Variants in SSH1 observed in about 807,000 individuals in gnomAD.
SSH1 encodes slingshot protein phosphatase 1.
SSH1 carries 43 observed loss-of-function variants against 79.7 expected under a neutral mutation model. The ratio of observed to expected loss-of-function variants is 0.54; its 90% CI spans 0.42 to 0.70. The LOEUF (loss-of-function observed/expected upper bound fraction) is 0.70, where lower values mean the gene tolerates loss of function less well. SSH1 is among the 30% of genes least tolerant of loss of function. SSH1 has a pLI of 0.00. For synonymous variants in SSH1, 599 were observed against 538.3 expected (o/e 1.11, Z -1.56); for missense variants, 1,206 against 1,358.8 (o/e 0.89, Z 1.77).
Position 108,857,105 on chromosome 12 carries a change from C to A in SSH1, c.69+323G>T, listed in dbSNP as rs1566024961. On this transcript the variant is annotated intron_variant, in intron 1 of 14. Transcript: ENST00000326495. The surrounding 1 kb of genome is among the most constrained non-coding windows in gnomAD (Gnocchi z 4.7). ...AGGGGTCACCCCAAGATGGGGGTAACCCCCTGATGTGGGTCACAGCGCACA... is the reference window on the plus strand; with the variant it reads ...AGGGGTCACCCCAAGATGGGGGTAAACCCCTGATGTGGGTCACAGCGCACA... 6.6e-6 allele frequency among the ~76,000 whole-genome samples: 1 copy of A among 152,238 alleles called. No individual in the cohort carries two copies. Among genetic ancestry groups the A allele is most frequent in the Non-Finnish European group, 1.5e-5 (1 of 68,038 alleles).
At chr12:108,851,368 G>A (rs1024032342) in intron 2 of SSH1, among the ~76,000 whole-genome samples, 1 of 152,204 alleles carries the variant, frequency 6.6e-6, no homozygotes, top group African/African-American at 2.4e-5. Context: ...ACACCCTGCT[G>A]TCGGTAATGA....
In SSH1 at chr12:108,786,345, T is replaced by C. The variant is rs542784377; in HGVS notation, c.*1643A>G. 1 of 152,416 alleles carries C rather than the reference T, an allele frequency of 6.6e-6. No homozygotes were observed. The highest frequency in any genetic ancestry group is 6.5e-5 in the Admixed American group (1 of 15,282). The allele number at this position is 152,416 out of a possible 1,614,324, so 9.4% of individuals were successfully genotyped here. Reference sequence around the variant, plus strand: ...CTCCATCCTGCACAGGTGAGGCTAGTGCGGGGCTGGCAAAGCTTGTGGTCG... The same window carrying C: ...CTCCATCCTGCACAGGTGAGGCTAGCGCGGGGCTGGCAAAGCTTGTGGTCG... On this transcript the variant is annotated 3_prime_UTR_variant, in exon 15 of 15. Coordinates refer to ENST00000326495, the MANE Select transcript of SSH1 (RefSeq NM_018984.4).
At chr12:108,797,387 C>T (rs1042713461) in intron 13 of SSH1, among the ~76,000 whole-genome samples, 1 of 152,106 alleles carries the variant, frequency 6.6e-6, no homozygotes, top group African/African-American at 2.4e-5. Context: ...GGTGCGGGTC[C>T]CTGGCAAAAC....
chr12:108,791,931 A>C, intron 14 of SSH1: 1 of 1,308,322 alleles, frequency 7.6e-7, no homozygotes, highest in Non-Finnish European at 9.8e-7. Context: ...AAGTTGGCTG[A>C]TAAATTATAT....
chr12:108,844,683 T>C (rs1251690846), intron 2 of SSH1, among the ~76,000 whole-genome samples: 1 of 152,178 alleles, frequency 6.6e-6, no homozygotes, highest in Non-Finnish European at 1.5e-5. Context: ...TTCCCTTAAT[T>C]AGGCTGTGCT....
At chr12:108,826,719 G>A (rs1177554170) in intron 2 of SSH1, among the ~76,000 whole-genome samples, 1 of 152,152 alleles carries the variant, frequency 6.6e-6, no homozygotes, top group African/African-American at 2.4e-5. Flanking sequence ...TGCAGCTTCT[G>A]ATGCCCAGAG....
intron 10 of SSH1, among the ~76,000 whole-genome samples, chr12:108,804,540 A>G (rs981910818): frequency 6.6e-6 from 1 of 152,176 alleles, no homozygotes; most frequent in Non-Finnish European, 1.5e-5. Context: ...GAGGGCTTCC[A>G]GCGGCCCTGG....
intron 2 of SSH1, among the ~76,000 whole-genome samples, chr12:108,824,529 T>C (rs192245308): frequency 2.4e-4 from 37 of 152,114 alleles, no homozygotes; most frequent in African/African-American, 5.8e-4. Flanking sequence ...TTAGTCAAGG[T>C]TGTCCTGTCC....
At chr12:108,790,456 G>T (rs950515941) in intron 14 of SSH1, among the ~76,000 whole-genome samples, 1 of 151,812 alleles carries the variant, frequency 6.6e-6, no homozygotes, top group Non-Finnish European at 1.5e-5. Context: ...AGCTAATTTT[G>T]TATTTTTAGT....
intron 3 of SSH1, among the ~76,000 whole-genome samples, chr12:108,820,663 T>C (rs1174745930): frequency 6.6e-6 from 1 of 152,204 alleles, no homozygotes; most frequent in Non-Finnish European, 1.5e-5. Context: ...TCAAATTGAC[T>C]GGACTGGCTG....
rs751979904 is a variant in SSH1 at position 108,788,957 on chromosome 12, G to A, written c.2181C>T (p.Gly727=). 2.5e-6 allele frequency: 4 copies of A among 1,613,636 alleles called. No homozygotes were observed. The South Asian group carries it at 3.3e-5, about 13-fold the overall frequency. The change falls in exon 15 of 15, where the codon GGC becomes GGT. Residue 727 remains glycine (G), a synonymous_variant. Transcript: ENST00000326495. ...PAGSRRADTS[G]PGAGAALEPP... is the part of the protein sequence containing the mutation. The stretch of plus-strand genomic sequence containing the variant: ...GCTCTAGGGCAGCTCCAGCCCCAGG[G>A]CCACTGGTGTCTGCCCTCCTGGAGC...
chr12:108,830,559 T>G (rs1001681324), intron 2 of SSH1, among the ~76,000 whole-genome samples: 4 of 152,094 alleles, frequency 2.6e-5, no homozygotes, highest in African/African-American at 9.7e-5. Flanking sequence ...CACGTCGATG[T>G]TTTCTGCTGG....
intron 2 of SSH1, among the ~76,000 whole-genome samples, chr12:108,846,498 C>G (rs562439808): frequency 6.6e-6 from 1 of 152,226 alleles, no homozygotes; most frequent in Non-Finnish European, 1.5e-5. Flanking sequence ...CAAAGAGGGA[C>G]TACGAGCGGC....
At position 108,800,652 on chromosome 12, in the gene SSH1, G is replaced by A. The variant is rs893909134; in HGVS notation, c.1148+128C>T. 27 of 1,127,294 alleles carry A rather than the reference G, an allele frequency of 2.4e-5. No individual in the cohort carries two copies. In the Admixed American group the frequency reaches 4.6e-4, roughly 19 times the overall value. The allele number at this position is 1,127,294 out of a possible 1,614,324, so 69.8% of individuals were successfully genotyped here. A position where few individuals can be genotyped will look rare whatever the true frequency, so the allele number is the denominator to read the frequency against. On this transcript the variant is annotated intron_variant, in intron 12 of 14. Transcript: ENST00000326495. ...AGTCCACTCCCACCAGCCAACTCCT[G>A]CGTCTGGAGTCCCGTTAGGATCCCC...
At chr12:108,825,169 C>T (rs546703804) in intron 2 of SSH1, among the ~76,000 whole-genome samples, 21 of 152,296 alleles carry the variant, frequency 1.4e-4, no homozygotes, top group Admixed American at 7.8e-4. Context: ...TGAACATATA[C>T]ATGATTTGAA....
At chr12:108,794,891 G>C (rs1593014979) in intron 13 of SSH1, among the ~76,000 whole-genome samples, 1 of 152,228 alleles carries the variant, frequency 6.6e-6, no homozygotes, top group South Asian at 2.1e-4. Context: ...ACACAGGACA[G>C]AACTCAAAGT....
intron 3 of SSH1, among the ~76,000 whole-genome samples, chr12:108,820,667 C>T (rs2038083497): frequency 6.6e-6 from 1 of 152,220 alleles, no homozygotes; most frequent in African/African-American, 2.4e-5. Context: ...ATTGACTGGA[C>T]TGGCTGAAAC....
At chr12:108,846,351 C>T (rs1463808163) in intron 2 of SSH1, among the ~76,000 whole-genome samples, 1 of 152,164 alleles carries the variant, frequency 6.6e-6, no homozygotes, top group Non-Finnish European at 1.5e-5. Flanking sequence ...TATTATCTCC[C>T]CAGTGTCCTA....
chr12:108,834,846 G>GT (rs2038560171), intron 2 of SSH1, among the ~76,000 whole-genome samples: 1 of 152,218 alleles, frequency 6.6e-6, no homozygotes, highest in South Asian at 2.1e-4. Context: ...TAGATTGAAA[G>GT]TAAGTGCTGG....
Sources: gnomAD v4.1 joint callset for allele counts (sites outside exome capture counted in the v4.1 genomes callset) on GRCh38, gnomAD v4.1.1 for gene constraint, Gnocchi (gnomAD v3.1) non-coding constraint, MANE v1.5 for transcripts, NCBI Gene and HGNC (gene_info 2026-07-23, HGNC 2026-07-21) for gene names.